Variants in ADAT1 observed in about 807,000 individuals in gnomAD.
The protein encoded by ADAT1 is tRNA-specific adenosine deaminase 1.
ADAT1 carries 58 observed loss-of-function variants against 58.6 expected under a neutral mutation model. The ratio of observed to expected loss-of-function variants is 0.99; its 90% confidence interval spans 0.80 to 1.23. ADAT1 has a LOEUF of 1.23. Ranked by LOEUF, ADAT1 falls within the 50% of genes most tolerant of loss-of-function variation. The pLI is 0.00. For synonymous variants in ADAT1, 254 were observed against 220.8 expected (o/e 1.15, Z -1.33); for missense variants, 741 against 608.6 (o/e 1.22, Z -2.29).
Position 75,612,319 on chromosome 16 carries a change from G to T in ADAT1, c.967C>A (p.Pro323Thr). The change falls in exon 6 of 10, where the codon CCC becomes ACC. Residue 323 changes from proline to threonine, a missense_variant. By Grantham distance (38) the Pro-to-Thr change is conservative (BLOSUM62 -1). Coordinates refer to ENST00000564657, the MANE Select transcript of ADAT1 (RefSeq NM_001324445.2). ...GALLMHLLEE[P>T]IYLSAVVIGK... is the part of the protein sequence containing the mutation. ...ATGACCACAGCTGACAGGTAGATGG[G>T]CTCTTCCAGCAAGTGCATCAACAGT... The T allele has an allele frequency of 6.2e-7, 1 of 1,614,164 alleles. No individual in the cohort carries two copies. Among genetic ancestry groups the T allele is most frequent in the Non-Finnish European group, 8.5e-7 (1 of 1,180,030 alleles).
Position 75,597,402 on chromosome 16 carries a change from C to G in ADAT1, c.*2814G>C. Reference sequence around the variant, plus strand: ...GAGCCATCAGAAGCTAAGGAGGAAGCATGAAAGAGTCTTCTTCAGAGCAGC... The same window carrying G: ...GAGCCATCAGAAGCTAAGGAGGAAGGATGAAAGAGTCTTCTTCAGAGCAGC... On this transcript the variant is annotated 3_prime_UTR_variant, in exon 10 of 10. Transcript: ENST00000564657. 2.2e-6 allele frequency: 1 copy of G among 450,946 alleles called. No homozygotes were observed. The highest frequency in any genetic ancestry group is 4.5e-6 in the Non-Finnish European group (1 of 224,386). 27.9% of individuals were successfully genotyped at this position (450,946 alleles called of 1,614,324 possible). A position where few individuals can be genotyped will look rare whatever the true frequency, so the allele number is the denominator to read the frequency against.
In ADAT1 at chr16:75,597,213, C is replaced by T. The variant is rs1049631288; in HGVS notation, c.*3003G>A. 13 of 264,772 alleles carry T rather than the reference C, an allele frequency of 4.9e-5. No homozygotes were observed. The highest frequency in any genetic ancestry group is 2.7e-4 in the African/African-American group (12 of 44,356). The allele number at this position is 264,772 out of a possible 1,614,324, so 16.4% of individuals were successfully genotyped here. A position where few individuals can be genotyped will look rare whatever the true frequency, so the allele number is the denominator to read the frequency against. On this transcript the variant is annotated 3_prime_UTR_variant, in exon 10 of 10. Transcript: ENST00000564657. ...TCTAGTTAGTTAAGATGAAATCAGACTGGATTAGGGCAGGCCCTAAATCCA... is the reference window on the plus strand; with the variant it reads ...TCTAGTTAGTTAAGATGAAATCAGATTGGATTAGGGCAGGCCCTAAATCCA...
At chr16:75,614,372 T>C (rs2081641058) in intron 5 of ADAT1, among the ~76,000 whole-genome samples, 2 of 152,192 alleles carry the variant, frequency 1.3e-5, no homozygotes, top group Non-Finnish European at 2.9e-5. Flanking sequence ...CCTCTGTCCT[T>C]ACAGGAAACA....
intron 8 of ADAT1, among the ~76,000 whole-genome samples, chr16:75,604,779 AAAAC>A (rs2081327221): frequency 6.6e-6 from 1 of 152,130 alleles, no homozygotes; most frequent in African/African-American, 2.4e-5. Context: ...AGAAAAGTGA[AAAAC>A]AAAAACCAAG....
At chr16:75,604,474 T>TACACAC (rs373687206) in intron 8 of ADAT1, among the ~76,000 whole-genome samples, 1,610 of 53,982 alleles carry the variant, frequency 0.03, 41 homozygotes, top group Middle Eastern at 0.061. Context: ...TATATATATA[T>TACACAC]ACACACACAC....
chr16:75,615,206 G>A (rs953788697), intron 5 of ADAT1, among the ~76,000 whole-genome samples: 5 of 150,352 alleles, frequency 3.3e-5, no homozygotes, highest in African/African-American at 4.9e-5. Context: ...AAATTCAATC[G>A]CCATCACTTA....
chr16:75,618,507 C>CG, intron 4 of ADAT1, 79 bp downstream of exon 4: 3 of 997,220 alleles, frequency 3.0e-6, no homozygotes, highest in East Asian at 2.8e-5. Flanking sequence ...CTCTGTCCCC[C>CG]CCAAAAAAAA....
intron 5 of ADAT1, 79 bp downstream of exon 5, chr16:75,617,063 G>A (rs868098142): frequency 6.6e-7 from 1 of 1,508,618 alleles, no homozygotes; most frequent in Middle Eastern, 1.8e-4. Flanking sequence ...TGCTTTTTAG[G>A]AAAAAACCTA....
intron 9 of ADAT1, 66 bp downstream of exon 9, chr16:75,603,019 A>T: frequency 6.9e-7 from 1 of 1,444,236 alleles, no homozygotes; most frequent in Non-Finnish European, 9.7e-7. Context: ...GCTTCTTGCT[A>T]CTCAGAAGCC....
At chr16:75,613,299 C>A (rs538501775) in intron 5 of ADAT1, among the ~76,000 whole-genome samples, 1 of 152,208 alleles carries the variant, frequency 6.6e-6, no homozygotes, top group East Asian at 1.9e-4. Flanking sequence ...TTCTCAACCA[C>A]GGTACTAATG....
intron 6 of ADAT1, among the ~76,000 whole-genome samples, chr16:75,609,480 C>T (rs56030666): frequency 0.036 from 5,437 of 152,032 alleles, 152 homozygotes; most frequent in African/African-American, 0.079. Context: ...ATCCCAGGCA[C>T]AGTGCCTAGG....
intron 8 of ADAT1, among the ~76,000 whole-genome samples, chr16:75,605,767 C>A (rs1204475906): frequency 6.6e-6 from 1 of 151,676 alleles, no homozygotes; most frequent in Non-Finnish European, 1.5e-5. Context: ...AAAATCCCGT[C>A]TCTACTAAAA....
rs200397910 is a variant in ADAT1, at chr16:75,608,825, C to T, written c.1189+18G>A. On this transcript the variant is annotated intron_variant, in intron 7 of 9. Coordinates refer to ENST00000564657, the MANE Select transcript of ADAT1 (RefSeq NM_001324445.2). ...GGGGAGCAGTTACTCCAGGGCAGGT[C>T]TAACCTGGATCTCTTACCTGCCCCA... 4 of 1,610,358 alleles carry T rather than the reference C, an allele frequency of 2.5e-6. No individual in the cohort carries two copies. The African/African-American group carries it at 5.4e-5, about 22-fold the overall frequency.
intron 5 of ADAT1, 119 bp from the exon 6 acceptor site, chr16:75,612,980 G>T: frequency 7.9e-7 from 1 of 1,266,602 alleles, no homozygotes; most frequent in Non-Finnish European, 1.1e-6. Context: ...CAGTAGACCT[G>T]CTGAATCAGA....
At position 75,612,856 on chromosome 16, in the gene ADAT1, C is replaced by A. The variant is rs2081590644; in HGVS notation, c.430G>T (p.Asp144Tyr). 1.2e-6 allele frequency: 2 copies of A among 1,613,260 alleles called. No individual in the cohort carries two copies. The highest frequency in any genetic ancestry group is 2.2e-5 in the East Asian group (1 of 44,876). The change falls in exon 6 of 10, where the codon GAT becomes TAT. Residue 144 changes from aspartate to tyrosine, a missense_variant. Physicochemically the swap from Asp to Tyr is radical, Grantham distance 160. Transcript: ENST00000564657. The part of the protein sequence containing the change: ...VFFSSHTPCG[D>Y]ASIIPMLEFE... ...TCAAGCATCGGAATGATGGAGGCATCCCCACCTGCAGAGAATGAACCCACT... is the reference window on the plus strand; with the variant it reads ...TCAAGCATCGGAATGATGGAGGCATACCCACCTGCAGAGAATGAACCCACT...
chr16:75,601,597 C>A (rs75962414), intron 9 of ADAT1, among the ~76,000 whole-genome samples: 25,073 of 150,734 alleles, frequency 0.17, 3,740 homozygotes, highest in East Asian at 0.73. Context: ...TCCCTACTAA[C>A]TATACCAAAA....
At chr16:75,620,477 G>A (rs972576181) in intron 2 of ADAT1, 143 bp from the exon 3 acceptor site, 7 of 1,388,236 alleles carry the variant, frequency 5.0e-6, no homozygotes, top group African/African-American at 4.3e-5. Context: ...GCGGTCTCCC[G>A]CCATCAGAGG....
In ADAT1 at chr16:75,600,034, G is replaced by T; in HGVS notation, c.*182C>A. 7.0e-7 allele frequency: 1 copy of T among 1,428,716 alleles called. No homozygotes were observed. The highest frequency in any genetic ancestry group is 9.2e-7 in the Non-Finnish European group (1 of 1,089,036). The allele number at this position is 1,428,716 out of a possible 1,614,324, so 88.5% of individuals were successfully genotyped here. ...ATTAGTGAGATGCCATTTTAGCAGA[G>T]AGCTACTTCAATCAAGTATAGCTTG... On this transcript the variant is annotated 3_prime_UTR_variant, in exon 10 of 10. Transcript: ENST00000564657.
At chr16:75,614,179 G>A (rs1463844506) in intron 5 of ADAT1, among the ~76,000 whole-genome samples, 1 of 151,978 alleles carries the variant, frequency 6.6e-6, no homozygotes, top group African/African-American at 2.4e-5. Context: ...GACAGAGGGA[G>A]ATTCCATCTC....
Sources: gnomAD v4.1 joint callset for allele counts (sites outside exome capture counted in the v4.1 genomes callset) on GRCh38, gnomAD v4.1.1 for gene constraint, MANE v1.5 for transcripts, NCBI Gene and HGNC (gene_info 2026-07-23, HGNC 2026-07-21) for gene names.